Variants in NEUROD6 observed in about 807,000 individuals in gnomAD.
The protein encoded by NEUROD6 is neurogenic differentiation factor 6.
Under a neutral mutation model 24.1 loss-of-function variants are expected in NEUROD6, and 5 were observed. That is an observed-to-expected ratio of 0.21 (90% CI 0.11 to 0.44). NEUROD6 has a LOEUF of 0.44. Among genes scored for constraint, NEUROD6 ranks in the 20% least tolerant of loss-of-function variants. NEUROD6 has a pLI of 0.99. For synonymous variants in NEUROD6, 182 were observed against 154.1 expected (o/e 1.18, Z -1.34); for missense variants, 325 against 409.5 (o/e 0.79, Z 1.78).
rs1329312174 is a variant in NEUROD6 at position 31,339,215 on chromosome 7, G to A, written c.54C>T (p.Cys18=). 8 of 1,613,674 alleles carry A rather than the reference G, an allele frequency of 5.0e-6. No homozygotes were observed. In the South Asian group the frequency reaches 8.8e-5, roughly 18 times the overall value. The change falls in exon 2 of 2, where the codon TGC becomes TGT. Residue 18 remains cysteine, a synonymous_variant. Transcript: ENST00000297142. ...CCTCGCATTCTCTAGAAAACTTTCT[G>A]CACATCTGGGATTCTGGCATTACAA... is the stretch of plus-strand genomic sequence containing the variant. ...ESVVMPESQM[C]RKFSRECEDQ... is the part of the protein sequence containing the mutation.
chr7:31,338,444 T>C lies in NEUROD6; in HGVS notation c.825A>G (p.Gln275=). 1 of 1,614,144 alleles carries C rather than the reference T, an allele frequency of 6.2e-7. No homozygotes were observed. Among genetic ancestry groups the C allele is most frequent in the Non-Finnish European group, 8.5e-7 (1 of 1,180,020 alleles). Residue 275 remains glutamine (Q), a synonymous_variant, in exon 2 of 2, where the codon CAA becomes CAG. Transcript: ENST00000297142. This position sits in a 1 kb window ranked among gnomAD's most constrained non-coding sequence, Gnocchi z 5.1. ...TTTTACCATAGTCCAAGGTTTCTTC[T>C]TGCTTCAGGGAAAATATCCCATTAT... The part of the protein sequence containing the change: ...INYNGIFSLK[Q]EETLDYGKNY...
rs1340519301 is a variant in NEUROD6 at position 31,338,697 on chromosome 7, C to T, written c.572G>A (p.Gly191Asp). The T allele has an allele frequency of 6.2e-7, 1 of 1,614,026 alleles. No homozygotes were observed. Among genetic ancestry groups the T allele is most frequent in the Non-Finnish European group, 8.5e-7 (1 of 1,179,990 alleles). The stretch of plus-strand genomic sequence containing the variant: ...GTGGTGTGCAGCCTCCCCACCCTGA[C>T]CCATCAGGAAACTCCTGGCGTTGAG... ...LQLNARSFLM[G>D]QGGEAAHHTR... The change falls in exon 2 of 2, where the codon GGT becomes GAT. Residue 191 changes from glycine to aspartate, a missense_variant. Around this residue, in one of 3 missense-constraint regions of NEUROD6, gnomAD observed 175 missense variants for 201.3 expected, o/e 0.87. Transcript: ENST00000297142. The surrounding 1 kb of genome is among the most constrained non-coding windows in gnomAD (Gnocchi z 5.1).
At chr7:31,339,963 G>T (rs1018072341) in intron 1 of NEUROD6, among the ~76,000 whole-genome samples, 2 of 151,996 alleles carry the variant, frequency 1.3e-5, no homozygotes, top group Non-Finnish European at 2.9e-5. Flanking sequence ...GGCTAATTTG[G>T]AATAAACTCT....
rs1783084513 is a variant in NEUROD6 at position 31,337,952 on chromosome 7, C to T, written c.*303G>A. On this transcript the variant is annotated 3_prime_UTR_variant, in exon 2 of 2. Transcript: ENST00000297142. ...ATGCTGTGTGCATGTCTTTATTCAA[C>T]AGTATATTCTTAGACACCTTGTTCA... The T allele has an allele frequency of 6.7e-6, 2 of 299,482 alleles. No homozygotes were observed. Among genetic ancestry groups the T allele is most frequent in the Non-Finnish European group, 1.2e-5 (2 of 161,294 alleles). 18.6% of individuals were successfully genotyped at this position (299,482 alleles called of 1,614,324 possible). A position where few individuals can be genotyped will look rare whatever the true frequency, so the allele number is the denominator to read the frequency against.
At chr7:31,340,569 G>A (rs1783111681) in intron 1 of NEUROD6, 24 bp downstream of exon 1, 1 of 152,212 alleles carries the variant, frequency 6.6e-6, no homozygotes, top group African/African-American at 2.4e-5. Context: ...AGCATCAATT[G>A]AAGTATATCT....
Position 31,337,970 on chromosome 7 carries a change from C to T in NEUROD6, c.*285G>A, listed in dbSNP as rs941391143. ...TATTCAACAGTATATTCTTAGACAC[C>T]TTGTTCAAACAAATTAAATAAGTTT... On this transcript the variant is annotated 3_prime_UTR_variant, in exon 2 of 2. Coordinates refer to ENST00000297142, the MANE Select transcript of NEUROD6 (RefSeq NM_022728.4). 8.3e-6 allele frequency: 3 copies of T among 359,378 alleles called. No homozygotes were observed. The highest frequency in any genetic ancestry group is 4.1e-5 in the African/African-American group (2 of 48,874). 22.3% of individuals were successfully genotyped at this position (359,378 alleles called of 1,614,324 possible).
At chr7:31,339,698 G>C (rs1418675594) in intron 1 of NEUROD6, among the ~76,000 whole-genome samples, 1 of 152,042 alleles carries the variant, frequency 6.6e-6, no homozygotes, top group Non-Finnish European at 1.5e-5. Flanking sequence ...AGATAAACCA[G>C]TTTTTAAAAT....
chr7:31,340,269 T>G (rs1464135335), intron 1 of NEUROD6, among the ~76,000 whole-genome samples: 3 of 152,230 alleles, frequency 2.0e-5, no homozygotes, highest in Non-Finnish European at 4.4e-5. Context: ...TTTTGGTTTT[T>G]GTCTGGTGAA....
At chr7:31,339,544 A>T (rs1278673668) in intron 1 of NEUROD6, among the ~76,000 whole-genome samples, 2 of 152,356 alleles carry the variant, frequency 1.3e-5, no homozygotes, top group African/African-American at 4.8e-5. Flanking sequence ...AATTATTGTG[A>T]TATCATTACC....
chr7:31,339,197 T>C lies in NEUROD6; in HGVS notation c.72A>G (p.Glu24=), dbSNP rs1374801580. The change falls in exon 2 of 2, where the codon GAA becomes GAG. Residue 24 remains glutamate, a synonymous_variant. Transcript: ENST00000297142. ...ESQMCRKFSR[E]CEDQKQIKKP... ...TCTTAATTTGCTTCTGGTCCTCGCA[T>C]TCTCTAGAAAACTTTCTGCACATCT... The C allele has an allele frequency of 1.7e-5, 27 of 1,613,936 alleles. No individual in the cohort carries two copies. Among genetic ancestry groups the C allele is most frequent in the Non-Finnish European group, 2.0e-5 (24 of 1,180,046 alleles).
At position 31,339,148 on chromosome 7, in the gene NEUROD6, T is replaced by C; in HGVS notation, c.121A>G (p.Ile41Val). 6 of 1,614,132 alleles carry C rather than the reference T, an allele frequency of 3.7e-6. No individual in the cohort carries two copies. Among genetic ancestry groups the C allele is most frequent in the Non-Finnish European group, 5.1e-6 (6 of 1,180,032 alleles). Residue 41 changes from isoleucine to valine, a missense_variant, in exon 2 of 2, where the codon ATT becomes GTT. Ile to Val is a conservative substitution (Grantham distance 29). Transcript: ENST00000297142. ...IKKPESFSKQ[I>V]VLRGKSIKRA... Reference sequence around the variant, plus strand: ...TTGATGCTCTTTCCTCGAAGGACAATCTGTTTGGAAAAGCTTTCTGGCTTC... The same window carrying C: ...TTGATGCTCTTTCCTCGAAGGACAACCTGTTTGGAAAAGCTTTCTGGCTTC...
chr7:31,340,263 G>C lies in NEUROD6; in HGVS notation c.-22+330C>G, dbSNP rs533974199. ...ATAATTTGTGTTTCAAATGCATTTT[G>C]GTTTTTGTCTGGTGAAGCAGCAAGT... On this transcript the variant is annotated intron_variant, in intron 1 of 1. Transcript: ENST00000297142. Among the ~76,000 whole-genome samples the C allele has an allele frequency of 2.6e-5, 4 of 152,260 alleles. No individual in the cohort carries two copies. In the South Asian group the frequency reaches 6.2e-4, roughly 24 times the overall value.
rs146643065 is a variant in NEUROD6, at chr7:31,338,427, T to C, written c.842A>G (p.Tyr281Cys). The C allele has an allele frequency of 6.3e-5, 101 of 1,614,186 alleles. No individual in the cohort carries two copies. Among genetic ancestry groups the C allele is most frequent in the Non-Finnish European group, 8.1e-5 (96 of 1,180,026 alleles). ...FSLKQEETLDYGKNYNYGMHY... is the reference protein window; with the variant it reads ...FSLKQEETLDCGKNYNYGMHY... ...CATGCCGTAATTGTAATTTTTACCA[T>C]AGTCCAAGGTTTCTTCTTGCTTCAG... Residue 281 changes from tyrosine to cysteine, a missense_variant, in exon 2 of 2, where the codon TAT becomes TGT. By Grantham distance (194) the Tyr-to-Cys change is radical. Around this residue, in one of 3 missense-constraint regions of NEUROD6, gnomAD observed 175 missense variants for 201.3 expected, o/e 0.87. Coordinates refer to ENST00000297142, the MANE Select transcript of NEUROD6 (RefSeq NM_022728.4). This position sits in a 1 kb window ranked among gnomAD's most constrained non-coding sequence, Gnocchi z 5.1.
At chr7:31,340,367 C>A (rs1195852981) in intron 1 of NEUROD6, among the ~76,000 whole-genome samples, 1 of 152,228 alleles carries the variant, frequency 6.6e-6, no homozygotes, top group Non-Finnish European at 1.5e-5. Context: ...GCCCCCTCAA[C>A]ACACACATAT....
chr7:31,338,227 T>C lies in NEUROD6; in HGVS notation c.*28A>G. On this transcript the variant is annotated 3_prime_UTR_variant, in exon 2 of 2. Transcript: ENST00000297142. The surrounding 1 kb of genome is among the most constrained non-coding windows in gnomAD (Gnocchi z 5.1). Reference sequence around the variant, plus strand: ...GTCTTAATTAGACAGGGGAGGTGAATGACCACTGTTTATTTTCATTTTCCT... The same window carrying C: ...GTCTTAATTAGACAGGGGAGGTGAACGACCACTGTTTATTTTCATTTTCCT... 6.3e-7 allele frequency: 1 copy of C among 1,585,550 alleles called. No individual in the cohort carries two copies. Among genetic ancestry groups the C allele is most frequent in the Non-Finnish European group, 8.6e-7 (1 of 1,156,446 alleles).
At position 31,338,477 on chromosome 7, in the gene NEUROD6, T is replaced by G. The variant is rs1230201326; in HGVS notation, c.792A>C (p.Pro264=). The G allele has an allele frequency of 3.1e-6, 5 of 1,613,852 alleles. No homozygotes were observed. Among genetic ancestry groups the G allele is most frequent in the Non-Finnish European group, 4.2e-6 (5 of 1,179,948 alleles). The change falls in exon 2 of 2, where the codon CCA becomes CCC. Residue 264 remains proline, a synonymous_variant. Transcript: ENST00000297142. This position sits in a 1 kb window ranked among gnomAD's most constrained non-coding sequence, Gnocchi z 5.1. ...PQFEGPLSPP[P]INYNGIFSLK... is the part of the protein sequence containing the mutation. ...GGGAAAATATCCCATTATAGTTAAT[T>G]GGGGGAGGACTTAAGGGACCTTCAA...
chr7:31,338,643 G>T lies in NEUROD6; in HGVS notation c.626C>A (p.Pro209Gln), dbSNP rs138683528. Residue 209 changes from proline (P) to glutamine (Q), a missense_variant, in exon 2 of 2, where the codon CCA becomes CAA. Pro to Gln is a moderately conservative substitution (Grantham distance 76). Transcript: ENST00000297142. This position sits in a 1 kb window ranked among gnomAD's most constrained non-coding sequence, Gnocchi z 5.1. Reference protein sequence around the residue: ...HTRSPYSTFYPPYHSPELTTP... With the variant: ...HTRSPYSTFYQPYHSPELTTP... ...GGTGAGCTCAGGGCTGTGGTAGGGT[G>T]GGTAGAAGGTAGAGTAGGGTGACCT... 2.0e-5 allele frequency: 33 copies of T among 1,613,948 alleles called. No individual in the cohort carries two copies. In the African/African-American group the frequency reaches 4.4e-4, roughly 22 times the overall value.
In NEUROD6 at chr7:31,338,222, G is replaced by T. The variant is rs2128033073; in HGVS notation, c.*33C>A. On this transcript the variant is annotated 3_prime_UTR_variant, in exon 2 of 2. Coordinates refer to ENST00000297142, the MANE Select transcript of NEUROD6 (RefSeq NM_022728.4). The surrounding 1 kb of genome is among the most constrained non-coding windows in gnomAD (Gnocchi z 5.1). Reference sequence around the variant, plus strand: ...GCTTTGTCTTAATTAGACAGGGGAGGTGAATGACCACTGTTTATTTTCATT... The same window carrying T: ...GCTTTGTCTTAATTAGACAGGGGAGTTGAATGACCACTGTTTATTTTCATT... 2 of 1,567,626 alleles carry T rather than the reference G, an allele frequency of 1.3e-6. No homozygotes were observed. Among genetic ancestry groups the T allele is most frequent in the South Asian group, 1.1e-5 (1 of 89,300 alleles).
chr7:31,338,615 A>G lies in NEUROD6; in HGVS notation c.654T>C (p.Thr218=). 6.2e-7 allele frequency: 1 copy of G among 1,613,464 alleles called. No homozygotes were observed. Among genetic ancestry groups the G allele is most frequent in the Non-Finnish European group, 8.5e-7 (1 of 1,179,782 alleles). Reference sequence around the variant, plus strand: ...TATCAAGAGTCCCATGCCCTGGGGGAGTGGTGAGCTCAGGGCTGTGGTAGG... The same window carrying G: ...TATCAAGAGTCCCATGCCCTGGGGGGGTGGTGAGCTCAGGGCTGTGGTAGG... The part of the protein sequence containing the change: ...YPPYHSPELT[T]PPGHGTLDNS... Residue 218 remains threonine (T), a synonymous_variant, in exon 2 of 2, where the codon ACT becomes ACC. Transcript: ENST00000297142. This position sits in a 1 kb window ranked among gnomAD's most constrained non-coding sequence, Gnocchi z 5.1.
Sources: allele counts gnomAD v4.1 joint callset (sites outside exome capture counted in the v4.1 genomes callset), GRCh38; gene constraint gnomAD v4.1.1; regional missense constraint gnomAD v4.1.1; non-coding constraint Gnocchi (gnomAD v3.1); transcripts MANE v1.5; gene names NCBI Gene and HGNC (gene_info 2026-07-23, HGNC 2026-07-21).